The following PARVB variants were observed in gnomAD, a reference collection of about 807,000 sequenced individuals.
The protein encoded by PARVB is parvin beta.
Under a neutral mutation model 47.0 loss-of-function variants are expected in PARVB, and 46 were observed. The observed-to-expected ratio is 0.98, with a 90% CI of 0.77 to 1.25. The LOEUF (loss-of-function observed/expected upper bound fraction) is 1.25. Among genes scored for constraint, PARVB ranks in the 50% most tolerant of loss-of-function variants. PARVB has a pLI of 0.00. For missense variants in PARVB, 473 were observed against 471.6 expected, an observed-to-expected ratio of 1.00 and a Z score of -0.03; for synonymous variants, 196 against 196.3, an observed-to-expected ratio of 1.00 and a Z score of 0.01.
rs890964066 is a variant in PARVB, at chr22:44,127,804, G to C, written c.377-3683G>C. ...CCTCTTCTTTTTTTTTTTTTCTCTT[G>C]AGATAGTGTCTCACTCTGTTGCCCA... On this transcript the variant is annotated intron_variant, in intron 4 of 12. Coordinates refer to ENST00000338758, the MANE Select transcript of PARVB (RefSeq NM_013327.5). 3.8e-5 allele frequency among the ~76,000 whole-genome samples: 4 copies of C among 106,066 alleles called. No homozygotes were observed. In the East Asian group the frequency reaches 1.3e-3, roughly 33 times the overall value. 69.6% of individuals were successfully genotyped at this position (106,066 alleles called of 152,430 possible). A position where few individuals can be genotyped will look rare whatever the true frequency, so the allele number is the denominator to read the frequency against.
chr22:44,021,420 AAAG>A (rs2146870175), upstream of PARVB, among the ~76,000 whole-genome samples: 1 of 152,178 alleles, frequency 6.6e-6, no homozygotes, highest in Non-Finnish European at 1.5e-5. Flanking sequence ...AGGGAAGGAG[AAAG>A]AAGGTCAGAA....
intron 1 of PARVB, among the ~76,000 whole-genome samples, chr22:44,042,467 G>T (rs1404910385): frequency 6.6e-6 from 1 of 152,184 alleles, no homozygotes; most frequent in Admixed American, 6.5e-5. Context: ...TCCCCAGTAA[G>T]CTGTCACTTG....
rs11914261 is a variant in PARVB, at chr22:44,163,280, A to T, written c.946-578A>T. On this transcript the variant is annotated intron_variant, in intron 11 of 12. Coordinates refer to ENST00000338758, the MANE Select transcript of PARVB (RefSeq NM_013327.5). ...AGCCCAAGAGTTAGAGACTAGCCTGACCAACATGGCAAAACCCGTCTCTAA... is the reference window on the plus strand; with the variant it reads ...AGCCCAAGAGTTAGAGACTAGCCTGTCCAACATGGCAAAACCCGTCTCTAA... Among the ~76,000 whole-genome samples the T allele has an allele frequency of 9.3e-3, 1,418 of 152,046 alleles. 18 individuals are homozygous for T. Among genetic ancestry groups the T allele is most frequent in the African/African-American group, 0.032 (1,316 of 41,440 alleles).
chr22:44,061,017 A>G (rs6006635), intron 1 of PARVB, among the ~76,000 whole-genome samples: 1 of 152,096 alleles, frequency 6.6e-6, no homozygotes, highest in Non-Finnish European at 1.5e-5. Flanking sequence ...CAACAGCAGT[A>G]TAAGTGCTGC....
At chr22:44,056,373 C>G (rs1007828628) in intron 1 of PARVB, among the ~76,000 whole-genome samples, 1 of 152,234 alleles carries the variant, frequency 6.6e-6, no homozygotes, top group Non-Finnish European at 1.5e-5. Flanking sequence ...GGCACACACA[C>G]GGATGCAGCG....
At chr22:44,047,013 C>A (rs2051125398) in intron 1 of PARVB, among the ~76,000 whole-genome samples, 1 of 152,192 alleles carries the variant, frequency 6.6e-6, no homozygotes, top group Non-Finnish European at 1.5e-5. Flanking sequence ...GTCTTCCTTC[C>A]CCCACCGGCA....
intron 1 of PARVB, among the ~76,000 whole-genome samples, chr22:44,059,128 C>T (rs1213657291): frequency 6.8e-6 from 1 of 148,062 alleles, no homozygotes; most frequent in African/African-American, 2.5e-5. Context: ...TCACTACAAC[C>T]TCTGCTTCTC....
chr22:44,108,215 A>G (rs925823854), intron 3 of PARVB: 4 of 152,184 alleles, frequency 2.6e-5, no homozygotes, highest in African/African-American at 9.7e-5. Context: ...TAAGTTGGTA[A>G]TCCTCAGTAA....
At chr22:44,014,924 C>T (rs1419711863) in intron 2 of PARVB, among the ~76,000 whole-genome samples, 2 of 151,568 alleles carry the variant, frequency 1.3e-5, no homozygotes, top group Non-Finnish European at 2.9e-5. Flanking sequence ...AATCTCAGCT[C>T]ACTGCAACCT....
At chr22:44,119,585 C>T (rs2052994726) in intron 4 of PARVB, among the ~76,000 whole-genome samples, 1 of 152,176 alleles carries the variant, frequency 6.6e-6, no homozygotes, top group Admixed American at 6.5e-5. Flanking sequence ...TCTGCATTTG[C>T]TGGGTGAAGG....
At chr22:44,151,839 T>G in intron 10 of PARVB, 5 of 377,100 alleles carry the variant, frequency 1.3e-5, no homozygotes, top group Non-Finnish European at 2.5e-5. Context: ...CCTGGGTGGG[T>G]TCCCTCCAAG....
chr22:44,165,404 A>G (rs761074550), intron 12 of PARVB, among the ~76,000 whole-genome samples: 3 of 152,302 alleles, frequency 2.0e-5, no homozygotes, highest in Non-Finnish European at 2.9e-5. Flanking sequence ...GGATCAAAGC[A>G]CATGTCCAGC....
At chr22:44,038,659 G>A (rs1601511773) in intron 1 of PARVB, among the ~76,000 whole-genome samples, 1 of 152,126 alleles carries the variant, frequency 6.6e-6, no homozygotes, top group Admixed American at 6.5e-5. Context: ...GTGTACGCCT[G>A]TAATCCCAGC....
At chr22:44,036,863 TTGGGAGGCTCAGG>T (rs966986377) in intron 1 of PARVB, among the ~76,000 whole-genome samples, 35 of 151,894 alleles carry the variant, frequency 2.3e-4, no homozygotes, top group Admixed American at 8.5e-4. Context: ...TCCCAGCTAC[TTGGGAGGCTCAGG>T]TGGGAGGCTC....
intron 1 of PARVB, among the ~76,000 whole-genome samples, chr22:44,071,064 A>T (rs552120745): frequency 6.6e-6 from 1 of 152,106 alleles, no homozygotes; most frequent in Admixed American, 6.5e-5. Flanking sequence ...GTATCACTCC[A>T]GCGACATTTC....
At chr22:44,013,063 A>C (rs953266605) in intron 2 of PARVB, among the ~76,000 whole-genome samples, 1 of 151,814 alleles carries the variant, frequency 6.6e-6, no homozygotes, top group African/African-American at 2.4e-5. Flanking sequence ...CGCCCGGTTA[A>C]TTTTTTTGTA....
At chr22:44,140,610 C>T (rs558245631) in intron 8 of PARVB, 4 of 519,668 alleles carry the variant, frequency 7.7e-6, no homozygotes, top group African/African-American at 5.8e-5. Context: ...GTCAGGCAGC[C>T]AGGGCTCATT....
At chr22:44,129,276 A>G (rs543443615) in intron 4 of PARVB, among the ~76,000 whole-genome samples, 1 of 152,228 alleles carries the variant, frequency 6.6e-6, no homozygotes, top group East Asian at 1.9e-4. Context: ...AGAAGGGTCT[A>G]CCCTGCCGGT....
chr22:44,042,248 C>G (rs572592716), intron 1 of PARVB, among the ~76,000 whole-genome samples: 5 of 152,204 alleles, frequency 3.3e-5, no homozygotes, highest in Non-Finnish European at 5.9e-5. Context: ...AAGTGAAACC[C>G]TGTCTCTACT....
Sources: allele counts gnomAD v4.1 joint callset (sites outside exome capture counted in the v4.1 genomes callset), GRCh38; gene constraint gnomAD v4.1.1; transcripts MANE v1.5; gene names NCBI Gene and HGNC (gene_info 2026-07-23, HGNC 2026-07-21).